Variants in PDIA4 observed in about 807,000 individuals in gnomAD.
The protein encoded by PDIA4 is protein disulfide-isomerase A4.
PDIA4 carries 33 observed loss-of-function variants against 62.1 expected under a neutral mutation model. The ratio of observed to expected loss-of-function variants is 0.53; its 90% CI spans 0.40 to 0.71. The LOEUF is 0.71. Among genes scored for constraint, PDIA4 ranks in the 30% least tolerant of loss-of-function variants. The pLI is 0.00. For missense variants in PDIA4, 804 were observed against 813.6 expected (o/e 0.99, Z 0.14); for synonymous variants, 341 against 324.1 (o/e 1.05, Z -0.56).
intron 1 of PDIA4, among the ~76,000 whole-genome samples, chr7:149,021,660 CTAAA>C (rs1418448767): frequency 1.3e-5 from 2 of 152,044 alleles, no homozygotes; most frequent in South Asian, 2.1e-4. Flanking sequence ...GAGGTCATGG[CTAAA>C]TAATATTTGA....
intron 1 of PDIA4, chr7:149,027,962 CGCCTGGAGTTA>C (rs1460365088): frequency 2.0e-6 from 1 of 510,770 alleles, no homozygotes; most frequent in Non-Finnish European, 4.0e-6. Flanking sequence ...TGGGCGCGTT[CGCCTGGAGTTA>C]GCCTGGACCT....
rs1318360386 is a variant in PDIA4 at position 149,005,938 on chromosome 7, A to G, written c.1247T>C (p.Val416Ala). ...AKRYTRRPLVVVYYSVDFSFD... is the reference protein window; with the variant it reads ...AKRYTRRPLVAVYYSVDFSFD... ...GCTGAAGTCCACACTGTAGTAGACG[A>G]CCACCAGGGGGCGCCTGGTGTAGCG... Residue 416 changes from valine to alanine, a missense_variant, in exon 8 of 10, where the codon GTC becomes GCC. By Grantham distance (64) the Val-to-Ala change is moderately conservative (BLOSUM62 0). Coordinates refer to ENST00000652332, the MANE Select transcript of PDIA4 (RefSeq NM_004911.5). 6.5e-7 allele frequency: 1 copy of G among 1,532,630 alleles called. No homozygotes were observed. Among genetic ancestry groups the G allele is most frequent in the South Asian group, 1.3e-5 (1 of 77,078 alleles). The allele number at this position is 1,532,630 out of a possible 1,614,324, so 94.9% of individuals were successfully genotyped here. A position where few individuals can be genotyped will look rare whatever the true frequency, so the allele number is the denominator to read the frequency against.
chr7:149,005,414 G>C (rs746418641), intron 8 of PDIA4, 40 bp from the exon 9 acceptor site: 48 of 1,332,088 alleles, frequency 3.6e-5, no homozygotes, highest in Non-Finnish European at 4.8e-5. Context: ...CGGCCACACA[G>C]AGCAAGTCCC....
rs1255841046 is a variant in PDIA4 at position 149,003,724 on chromosome 7, GGCGT to G, written c.*66_*69del. 2 of 1,194,396 alleles carry G rather than the reference GGCGT, an allele frequency of 1.7e-6. No individual in the cohort carries two copies. The highest frequency in any genetic ancestry group is 5.6e-5 in the Admixed American group (2 of 35,754). 74.0% of individuals were successfully genotyped at this position (1,194,396 alleles called of 1,614,324 possible). A position where few individuals can be genotyped will look rare whatever the true frequency, so the allele number is the denominator to read the frequency against. On this transcript the variant is annotated 3_prime_UTR_variant, in exon 10 of 10. Coordinates refer to ENST00000652332, the MANE Select transcript of PDIA4 (RefSeq NM_004911.5). The stretch of plus-strand genomic sequence containing the variant: ...GATACTGTCGTTTGTTGCCGGCCTC[GGCGT>G]GGACGCCCCGACCATGGGCCACGCA...
chr7:149,019,817 AT>A (rs1011792333), intron 2 of PDIA4, among the ~76,000 whole-genome samples: 2 of 152,254 alleles, frequency 1.3e-5, no homozygotes, highest in African/African-American at 2.4e-5. Context: ...TCTCAAAAAA[AT>A]TTTTTTTTAA....
At position 149,007,492 on chromosome 7, in the gene PDIA4, A is replaced by G. The variant is rs1157771923; in HGVS notation, c.1131+667T>C. ...CTGCAGCCCAATCTCTGTTAAACCA[A>G]AGCTTCAAACTCGACATCTAAGATC... is the stretch of plus-strand genomic sequence containing the variant. On this transcript the variant is annotated intron_variant, in intron 7 of 9. Coordinates refer to ENST00000652332, the MANE Select transcript of PDIA4 (RefSeq NM_004911.5). 5.9e-5 allele frequency among the ~76,000 whole-genome samples: 9 copies of G among 152,060 alleles called. No individual in the cohort carries two copies. In the East Asian group the frequency reaches 1.7e-3, roughly 29 times the overall value.
intron 7 of PDIA4, among the ~76,000 whole-genome samples, chr7:149,007,227 T>C (rs1215727874): frequency 3.9e-5 from 6 of 152,064 alleles, no homozygotes; most frequent in African/African-American, 1.2e-4. Flanking sequence ...ACAGAGGACA[T>C]GGGGACCAGA....
At chr7:149,015,321 C>A (rs1423932471) in intron 3 of PDIA4, among the ~76,000 whole-genome samples, 3 of 152,098 alleles carry the variant, frequency 2.0e-5, no homozygotes, top group African/African-American at 7.2e-5. Context: ...ACTTCCTTTA[C>A]CATCAGGCTA....
chr7:149,003,836 T>G lies in PDIA4; in HGVS notation c.1896A>C (p.Glu632Asp). Residue 632 changes from glutamate to aspartate, a missense_variant, in exon 10 of 10, where the codon GAA (glutamate) becomes GAC (aspartate). Glu to Asp is a conservative substitution (Grantham distance 45). Coordinates refer to ENST00000652332, the MANE Select transcript of PDIA4 (RefSeq NM_004911.5). ...TCCTGCTCAGTTTTGTGGCATGTTC[T>G]TCTATAAACTTGCTCAAATGCTCCA... is the stretch of plus-strand genomic sequence containing the variant. The part of the protein sequence containing the change: ...RDLEHLSKFI[E>D]EHATKLSRTK... The G allele has an allele frequency of 1.3e-6, 2 of 1,591,746 alleles. No homozygotes were observed. The highest frequency in any genetic ancestry group is 1.7e-6 in the Non-Finnish European group (2 of 1,169,034).
chr7:149,021,018 T>C lies in PDIA4; in HGVS notation c.218A>G (p.Asp73Gly). Residue 73 changes from aspartate (D) to glycine (G), a missense_variant, in exon 2 of 10, where the codon GAT becomes GGT. Physicochemically the swap from Asp to Gly is moderately conservative, Grantham distance 94. Coordinates refer to ENST00000652332, the MANE Select transcript of PDIA4 (RefSeq NM_004911.5). Reference protein sequence around the residue: ...GVLVLNDANFDNFVADKDTVL... With the variant: ...GVLVLNDANFGNFVADKDTVL... ...TGTGTCTTTGTCAGCCACAAAATTATCAAAGTTTGCATCATTTAGGACCAA... is the reference window on the plus strand; with the variant it reads ...TGTGTCTTTGTCAGCCACAAAATTACCAAAGTTTGCATCATTTAGGACCAA... 6.2e-7 allele frequency: 1 copy of C among 1,614,220 alleles called. No homozygotes were observed. Among genetic ancestry groups the C allele is most frequent in the African/African-American group, 1.3e-5 (1 of 75,046 alleles).
chr7:149,019,009 C>A lies in PDIA4; in HGVS notation c.458G>T (p.Gly153Val), dbSNP rs1338427720. Residue 153 changes from glycine to valine, a missense_variant, in exon 3 of 10, where the codon GGC becomes GTC. Transcript: ENST00000652332. ...CAGCTCACCTTCCTGGGTTCTGGAG[C>A]CCTCGTAGTCTACAGCCTGCCCCTT... ...LKKGQAVDYE[G>V]SRTQEEIVAK... The A allele has an allele frequency of 3.1e-6, 5 of 1,612,882 alleles. No homozygotes were observed. The highest frequency in any genetic ancestry group is 2.2e-5 in the East Asian group (1 of 44,850).
At chr7:149,015,544 T>C (rs1283333419) in intron 3 of PDIA4, among the ~76,000 whole-genome samples, 1 of 150,388 alleles carries the variant, frequency 6.6e-6, no homozygotes, top group African/African-American at 2.5e-5. Context: ...GTAGCTCCCA[T>C]TGCTCAAGGT....
rs1823740110 is a variant in PDIA4, at chr7:149,005,944, AGGGGGCGCCTGGTGTAGCGCTTAGCATCG to A, written c.1212_1240del (p.Asp405GlyfsTer12). On this transcript the variant is annotated frameshift_variant, in exon 8 of 10. Coordinates refer to ENST00000652332, the MANE Select transcript of PDIA4 (RefSeq NM_004911.5). LOFTEE classifies it high-confidence loss of function. ...GTCCACACTGTAGTAGACGACCACC[AGGGGGCGCCTGGTGTAGCGCTTAGCATCG>A]TTTGACACCTTGCGGTGGCCAACCA... 6.5e-7 allele frequency: 1 copy of A among 1,531,810 alleles called. No homozygotes were observed. The highest frequency in any genetic ancestry group is 1.5e-5 in the African/African-American group (1 of 68,826). 94.9% of individuals were successfully genotyped at this position (1,531,810 alleles called of 1,614,324 possible).
chr7:149,009,034 C>T (rs539272792), intron 6 of PDIA4, among the ~76,000 whole-genome samples: 23 of 152,272 alleles, frequency 1.5e-4, no homozygotes, highest in Non-Finnish European at 2.8e-4. Context: ...CAAGCCAATT[C>T]TCCTTCCTGC....
At position 149,012,254 on chromosome 7, in the gene PDIA4, T is replaced by C. The variant is rs140513316; in HGVS notation, c.721A>G (p.Thr241Ala). ...PLAKVDATAETDLAKRFDVSG... is the reference protein window; with the variant it reads ...PLAKVDATAEADLAKRFDVSG... Reference sequence around the variant, plus strand: ...ACATCAAACCTCTTGGCCAGGTCTGTTTCTGCGGTGGCGTCGACCTTTGCC... The same window carrying C: ...ACATCAAACCTCTTGGCCAGGTCTGCTTCTGCGGTGGCGTCGACCTTTGCC... The change falls in exon 5 of 10, where the codon ACA (threonine) becomes GCA (alanine). Residue 241 changes from threonine to alanine, a missense_variant. Coordinates refer to ENST00000652332, the MANE Select transcript of PDIA4 (RefSeq NM_004911.5). The C allele has an allele frequency of 2.4e-3, 3,836 of 1,614,132 alleles. 7 individuals are homozygous for C. The highest frequency in any genetic ancestry group is 5.3e-3 in the Middle Eastern group (32 of 6,060).
intron 1 of PDIA4, among the ~76,000 whole-genome samples, chr7:149,022,887 C>G (rs1428980463): frequency 1.3e-5 from 2 of 152,244 alleles, no homozygotes; most frequent in Non-Finnish European, 2.9e-5. Flanking sequence ...AGAAAGCCCA[C>G]TGGCACACAC....
intron 2 of PDIA4, among the ~76,000 whole-genome samples, chr7:149,020,481 T>C (rs1824304377): frequency 6.6e-6 from 1 of 152,072 alleles, no homozygotes; most frequent in Admixed American, 6.5e-5. Context: ...GGAAAAGAAG[T>C]GGGGATGCCT....
At chr7:149,015,490 T>G (rs1585421493) in intron 3 of PDIA4, among the ~76,000 whole-genome samples, 1 of 57,244 alleles carries the variant, frequency 1.7e-5, no homozygotes, top group Admixed American at 3.0e-4. Context: ...ATAAGATGTA[T>G]GCAAAAAAAA....
Position 149,015,150 on chromosome 7 carries a change from CA to C in PDIA4, c.476-109del. Reference sequence around the variant, plus strand: ...GGAAGAAAGCAAGTGTCGGGGCCCACAAGAACAGGAGGTGTCTGATTTCCTG... The same window carrying C: ...GGAAGAAAGCAAGTGTCGGGGCCCACAGAACAGGAGGTGTCTGATTTCCTG... On this transcript the variant is annotated intron_variant, in intron 3 of 9. Coordinates refer to ENST00000652332, the MANE Select transcript of PDIA4 (RefSeq NM_004911.5). 3 of 1,138,194 alleles carry C rather than the reference CA, an allele frequency of 2.6e-6. No individual in the cohort carries two copies. The East Asian group carries it at 7.3e-5, about 28-fold the overall frequency. The allele number at this position is 1,138,194 out of a possible 1,614,324, so 70.5% of individuals were successfully genotyped here. A position where few individuals can be genotyped will look rare whatever the true frequency, so the allele number is the denominator to read the frequency against.
Sources: allele counts gnomAD v4.1 joint callset (sites outside exome capture counted in the v4.1 genomes callset), GRCh38; gene constraint gnomAD v4.1.1; transcripts MANE v1.5; gene names NCBI Gene and HGNC (gene_info 2026-07-23, HGNC 2026-07-21).